The following ABAT variants were observed in gnomAD, a reference collection of about 807,000 sequenced individuals.
ABAT encodes the protein 4-aminobutyrate aminotransferase, mitochondrial.
ABAT carries 45 observed loss-of-function variants against 64.6 expected under a neutral mutation model. The ratio of observed to expected loss-of-function variants is 0.70; its 90% CI spans 0.55 to 0.89. ABAT has a LOEUF of 0.89. ABAT is among the 40% of genes least tolerant of loss of function. The pLI is 0.00. For missense variants in ABAT, 633 were observed against 658.4 expected, an observed-to-expected ratio of 0.96 and a Z score of 0.42; for synonymous variants, 297 against 250.5, an observed-to-expected ratio of 1.19 and a Z score of -1.75.
At chr16:8,688,029 C>T (rs1003605257) in intron 1 of ABAT, among the ~76,000 whole-genome samples, 3 of 152,140 alleles carry the variant, frequency 2.0e-5, no homozygotes, top group Admixed American at 1.3e-4. Flanking sequence ...TCCCCAGTAG[C>T]TGGAACTATA....
At chr16:8,749,519 G>A (rs1361648830) in intron 4 of ABAT, among the ~76,000 whole-genome samples, 21 of 140,136 alleles carry the variant, frequency 1.5e-4, no homozygotes, top group African/African-American at 4.8e-4. Flanking sequence ...CTGCCTCAGC[G>A]TCCCAAGTAG....
intron 14 of ABAT, among the ~76,000 whole-genome samples, chr16:8,778,768 C>A (rs1355154030): frequency 6.8e-6 from 1 of 146,296 alleles, no homozygotes; most frequent in Non-Finnish European, 1.5e-5. Context: ...CAGAGTGAGA[C>A]TCCATCTCAA....
intron 9 of ABAT, among the ~76,000 whole-genome samples, chr16:8,767,032 G>C (rs1156701396): frequency 6.6e-6 from 1 of 152,190 alleles, no homozygotes; most frequent in Non-Finnish European, 1.5e-5. Flanking sequence ...GGAGTTCTTA[G>C]GGTTTTTCCC....
intron 1 of ABAT, among the ~76,000 whole-genome samples, chr16:8,707,785 G>C (rs1386172428): frequency 1.3e-5 from 2 of 152,080 alleles, no homozygotes; most frequent in East Asian, 3.9e-4. Flanking sequence ...TCCCAGGCTG[G>C]TCTTGAACTC....
chr16:8,720,142 A>G (rs1424569009), intron 1 of ABAT, among the ~76,000 whole-genome samples: 1 of 152,232 alleles, frequency 6.6e-6, no homozygotes, highest in African/African-American at 2.4e-5. Flanking sequence ...AGCTCTTTGG[A>G]AACAGAAAAT....
chr16:8,767,155 G>A (rs1292224231), intron 9 of ABAT, among the ~76,000 whole-genome samples: 1 of 152,202 alleles, frequency 6.6e-6, no homozygotes, highest in African/African-American at 2.4e-5. Context: ...GCCTGAATCA[G>A]CTGGAAACAT....
intron 1 of ABAT, among the ~76,000 whole-genome samples, chr16:8,724,746 C>CAAAAAAAAAAAAAAA (rs869130725): frequency 1.5e-4 from 1 of 6,586 alleles, no homozygotes; most frequent in African/African-American, 4.4e-4. Flanking sequence ...AAAAAAAAAA[C>CAAAAAAAAAAAAAAA]AAAAAAAAAA....
At chr16:8,739,188 G>A (rs889581430) in intron 2 of ABAT, among the ~76,000 whole-genome samples, 6 of 152,298 alleles carry the variant, frequency 3.9e-5, no homozygotes, top group Admixed American at 3.9e-4. Flanking sequence ...CTCTAGCCTG[G>A]TGGCGCATGT....
At chr16:8,711,097 G>C (rs1332292064) in intron 1 of ABAT, among the ~76,000 whole-genome samples, 1 of 152,148 alleles carries the variant, frequency 6.6e-6, no homozygotes, top group African/African-American at 2.4e-5. Flanking sequence ...CCTTCAAGTA[G>C]AATTATGCTA....
intron 1 of ABAT, among the ~76,000 whole-genome samples, chr16:8,725,257 A>G (rs1200321583): frequency 6.6e-6 from 1 of 152,158 alleles, no homozygotes; most frequent in East Asian, 1.9e-4. Flanking sequence ...AACCTTTTTA[A>G]GTGAAAACTC....
At chr16:8,718,335 A>G (rs76299325) in intron 1 of ABAT, among the ~76,000 whole-genome samples, 4,478 of 152,308 alleles carry the variant, frequency 0.029, 229 homozygotes, top group African/African-American at 0.1. Context: ...AATACAATAC[A>G]TAAGCAGATG....
chr16:8,763,174 C>T (rs933443595), intron 6 of ABAT, among the ~76,000 whole-genome samples: 3 of 150,862 alleles, frequency 2.0e-5, no homozygotes, highest in Admixed American at 6.6e-5. Context: ...TGAGCATTTT[C>T]GGGCAGAGGC....
rs2060442105 is a variant in ABAT, at chr16:8,781,616, T to G, written c.*186T>G. ...GGGGAGGGAAGGGCTGGTGTTGATTTTCCTCCCTGCAGAGCCAATGGTGCA... is the reference window on the plus strand; with the variant it reads ...GGGGAGGGAAGGGCTGGTGTTGATTGTCCTCCCTGCAGAGCCAATGGTGCA... On this transcript the variant is annotated 3_prime_UTR_variant, in exon 16 of 16. Transcript: ENST00000268251. This position sits in a 1 kb window ranked among gnomAD's most constrained non-coding sequence, Gnocchi z 4.5. The G allele has an allele frequency of 4.0e-6, 3 of 741,848 alleles. No individual in the cohort carries two copies. The highest frequency in any genetic ancestry group is 1.7e-5 in the African/African-American group (1 of 57,506). The allele number at this position is 741,848 out of a possible 1,614,324, so 46.0% of individuals were successfully genotyped here.
At chr16:8,746,667 G>A (rs889063790) in intron 3 of ABAT, among the ~76,000 whole-genome samples, 8 of 151,586 alleles carry the variant, frequency 5.3e-5, no homozygotes, top group African/African-American at 1.9e-4. Flanking sequence ...AGGCGAGATG[G>A]TGCCTCTGCA....
At chr16:8,769,441 C>T (rs1432966504) in intron 11 of ABAT, among the ~76,000 whole-genome samples, 1 of 151,764 alleles carries the variant, frequency 6.6e-6, no homozygotes, top group Non-Finnish European at 1.5e-5. Context: ...TGCCTGTAAT[C>T]CCAGCTACTA....
At chr16:8,722,201 C>G (rs1179308500) in intron 1 of ABAT, among the ~76,000 whole-genome samples, 1 of 152,222 alleles carries the variant, frequency 6.6e-6, no homozygotes, top group African/African-American at 2.4e-5. Flanking sequence ...TCCACTCTGT[C>G]CGGCTTTTAA....
intron 6 of ABAT, among the ~76,000 whole-genome samples, chr16:8,760,671 C>G (rs577142699): frequency 3.9e-5 from 6 of 152,338 alleles, no homozygotes; most frequent in Non-Finnish European, 5.9e-5. Flanking sequence ...ATCCCAGATG[C>G]CTTGGCAGTT....
intron 1 of ABAT, among the ~76,000 whole-genome samples, chr16:8,709,024 C>T (rs552813740): frequency 3.4e-4 from 52 of 152,138 alleles, no homozygotes; most frequent in Admixed American, 1.3e-3. Context: ...TGGGGGTGTG[C>T]CGTAAGCATA....
At chr16:8,741,860 C>G (rs373130401) in intron 2 of ABAT, among the ~76,000 whole-genome samples, 2 of 152,346 alleles carry the variant, frequency 1.3e-5, no homozygotes, top group African/African-American at 4.8e-5. Context: ...CTTAACATCT[C>G]TGATCCTCAA....
Sources: gnomAD v4.1 joint callset for allele counts (sites outside exome capture counted in the v4.1 genomes callset) on GRCh38, gnomAD v4.1.1 for gene constraint, Gnocchi (gnomAD v3.1) non-coding constraint, MANE v1.5 for transcripts, NCBI Gene and HGNC (gene_info 2026-07-23, HGNC 2026-07-21) for gene names.